ABLIM1: variants seen among roughly 807,000 people sequenced by gnomAD.
The protein encoded by ABLIM1 is actin binding LIM protein 1, also known as actin-binding LIM protein 1.
In ABLIM1, 40 loss-of-function variants were observed where a neutral mutation model predicts 107.0. That is an observed-to-expected ratio of 0.37 (90% CI 0.29 to 0.49). The LOEUF (loss-of-function observed/expected upper bound fraction) is 0.49. Ranked by LOEUF, ABLIM1 falls within the 20% of genes least tolerant of loss-of-function variation. The pLI is 0.97. For synonymous variants in ABLIM1, 357 were observed against 357.3 expected (o/e 1.00, Z 0.01); for missense variants, 857 against 1,008.5 (o/e 0.85, Z 2.04).
At chr10:114,583,468 C>CATACATATATAT (rs2073823937) in intron 2 of ABLIM1, among the ~76,000 whole-genome samples, 1 of 15,104 alleles carries the variant, frequency 6.6e-5, no homozygotes, top group Non-Finnish European at 1.2e-4. Flanking sequence ...CACACACACA[C>CATACATATATAT]ATATATATAT....
chr10:114,688,831 C>A (rs1164234436), upstream of ABLIM1, among the ~76,000 whole-genome samples: 1 of 152,056 alleles, frequency 6.6e-6, no homozygotes, highest in East Asian at 1.9e-4. Context: ...CATTTTCATG[C>A]CTGAAGTAAT....
chr10:114,520,332 G>A (rs763288485), intron 6 of ABLIM1, among the ~76,000 whole-genome samples: 2 of 152,134 alleles, frequency 1.3e-5, no homozygotes, highest in African/African-American at 2.4e-5. Context: ...GTCAAGGCAG[G>A]TGATGAACAG....
chr10:114,471,454 C>G (rs1311766424), intron 10 of ABLIM1, among the ~76,000 whole-genome samples: 3 of 152,124 alleles, frequency 2.0e-5, no homozygotes, highest in Non-Finnish European at 2.9e-5. Flanking sequence ...CTCTTATGCC[C>G]TACGAAACTC....
intron 1 of ABLIM1, among the ~76,000 whole-genome samples, chr10:114,756,056 T>C (rs923913374): frequency 2.8e-4 from 41 of 146,966 alleles, no homozygotes; most frequent in African/African-American, 1.0e-3. Flanking sequence ...AATTATTTAA[T>C]CCATAGGAAT....
rs2081448020 is a variant in ABLIM1 at position 114,707,532 on chromosome 10, C to T, written c.-213+60529G>A. 6.6e-6 allele frequency among the ~76,000 whole-genome samples: 1 copy of T among 152,158 alleles called. No individual in the cohort carries two copies. Among genetic ancestry groups the T allele is most frequent in the Non-Finnish European group, 1.5e-5 (1 of 68,022 alleles). The stretch of plus-strand genomic sequence containing the variant: ...CAGGCGTAAGCCACCACACCTGGCC[C>T]AGTTTTGTTTTAATGACAAATTTGC... On this transcript the variant is annotated intron_variant, in intron 1 of 15. Coordinates refer to the ABLIM1 transcript ENST00000651092. This position sits in a 1 kb window ranked among gnomAD's most constrained non-coding sequence, Gnocchi z 4.1.
the ABLIM1 span, among the ~76,000 whole-genome samples, chr10:114,774,649 G>C: frequency 6.6e-6 from 1 of 152,190 alleles, no homozygotes; most frequent in East Asian, 1.9e-4. Flanking sequence ...AAAAACAAGA[G>C]ACAGAGTTAA....
At position 114,547,762 on chromosome 10, in the gene ABLIM1, C is replaced by T. The variant is rs1218896529; in HGVS notation, c.688G>A (p.Gly230Arg). The change falls in exon 5 of 23, where the codon GGA becomes AGA. Residue 230 changes from glycine to arginine, a missense_variant. This residue lies in a region of ABLIM1 where 381 missense variants were observed against 506.9 expected (regional missense o/e 0.75). Transcript: ENST00000533213. ...GCCTGCCCATTCTTGATATCTCTTCCGCAGCCGGCACAATCTGAAAAAGAG... is the reference window on the plus strand; with the variant it reads ...GCCTGCCCATTCTTGATATCTCTTCTGCAGCCGGCACAATCTGAAAAAGAG... ...TTFSSNCAGC[G>R]RDIKNGQALL... 3 of 1,609,986 alleles carry T rather than the reference C, an allele frequency of 1.9e-6. No individual in the cohort carries two copies. Among genetic ancestry groups the T allele is most frequent in the Non-Finnish European group, 8.5e-7 (1 of 1,180,006 alleles).
intron 12 of ABLIM1, among the ~76,000 whole-genome samples, chr10:114,462,721 T>C (rs2064200141): frequency 6.6e-6 from 1 of 151,766 alleles, no homozygotes; most frequent in Non-Finnish European, 1.5e-5. Context: ...ATATATATTA[T>C]ATTTTGTTTC....
At chr10:114,562,997 C>T (rs1433143172) in intron 4 of ABLIM1, among the ~76,000 whole-genome samples, 1 of 152,182 alleles carries the variant, frequency 6.6e-6, no homozygotes. Flanking sequence ...CCAGGACACA[C>T]GTGAGCTCAC....
intron 6 of ABLIM1, among the ~76,000 whole-genome samples, 191 bp from the exon 7 acceptor site, chr10:114,492,069 A>G (rs1391438770): frequency 1.3e-5 from 2 of 151,698 alleles, no homozygotes; most frequent in Non-Finnish European, 2.9e-5. Flanking sequence ...GAGGGGCTCC[A>G]AGGCCAGCTA....
intron 1 of ABLIM1, chr10:114,767,916 G>A (rs1049265874): frequency 6.4e-6 from 2 of 310,320 alleles, no homozygotes; most frequent in African/African-American, 2.3e-5. Flanking sequence ...CCTGCCCCCG[G>A]CCCCCGGCAG....
intron 2 of ABLIM1, among the ~76,000 whole-genome samples, chr10:114,581,212 G>T (rs2073332464): frequency 6.6e-6 from 1 of 152,204 alleles, no homozygotes; most frequent in African/African-American, 2.4e-5. Flanking sequence ...AGTAACAGGA[G>T]CTGCCCATGT....
chr10:114,565,804 T>G (rs2070627044), intron 4 of ABLIM1, among the ~76,000 whole-genome samples: 1 of 111,548 alleles, frequency 9.0e-6, no homozygotes, highest in Admixed American at 9.4e-5. Context: ...TTTTTTTTTT[T>G]TTTTTTTTGA....
At position 114,439,176 on chromosome 10, in the gene ABLIM1, C is replaced by A; in HGVS notation, c.2142G>T (p.Lys714Asn). ...GVSMPNMLEP[K>N]IFPYEMLMVT... ...GAGGAAAAAGAACAGCTGCACTTGC[C>A]TTTGGTTCCAACATGTTGGGCATAG... Residue 714 changes from lysine (K) to asparagine (N), a missense_variant and splice_region_variant, in exon 21 of 23, where the codon AAG becomes AAT. Transcript: ENST00000533213. 1 of 1,614,244 alleles carries A rather than the reference C, an allele frequency of 6.2e-7. No individual in the cohort carries two copies. Among genetic ancestry groups the A allele is most frequent in the Non-Finnish European group, 8.5e-7 (1 of 1,180,046 alleles).
intron 1 of ABLIM1, among the ~76,000 whole-genome samples, chr10:114,675,162 TC>T (rs2080426616): frequency 6.6e-6 from 1 of 152,120 alleles, no homozygotes; most frequent in African/African-American, 2.4e-5. Context: ...TGAAGAGCTG[TC>T]ATCATTGGGT....
intron 2 of ABLIM1, among the ~76,000 whole-genome samples, chr10:114,584,457 G>A (rs1157883623): frequency 6.6e-6 from 1 of 152,042 alleles, no homozygotes; most frequent in African/African-American, 2.4e-5. Context: ...TTACAGTATG[G>A]GATCTGAGTT....
the ABLIM1 span, among the ~76,000 whole-genome samples, chr10:114,792,187 G>C: frequency 6.6e-6 from 1 of 152,206 alleles, no homozygotes; most frequent in Non-Finnish European, 1.5e-5. Flanking sequence ...TGGGTGTGGT[G>C]GCACATGCCT....
intron 1 of ABLIM1, among the ~76,000 whole-genome samples, chr10:114,621,017 C>T (rs1271357251): frequency 6.6e-6 from 1 of 152,166 alleles, no homozygotes; most frequent in Non-Finnish European, 1.5e-5. Context: ...CCCTACTTAC[C>T]TCTCCTTATG....
At chr10:114,661,043 T>G (rs1462156918), upstream of ABLIM1, among the ~76,000 whole-genome samples, 1 of 152,192 alleles carries the variant, frequency 6.6e-6, no homozygotes, top group African/African-American at 2.4e-5. Flanking sequence ...CTAAATTTTT[T>G]TTTTTACAAG....
Sources: gnomAD v4.1 joint callset for allele counts (sites outside exome capture counted in the v4.1 genomes callset) on GRCh38, gnomAD v4.1.1 for gene constraint, gnomAD v4.1.1 regional missense constraint, Gnocchi (gnomAD v3.1) non-coding constraint, MANE v1.5 for transcripts, NCBI Gene and HGNC (gene_info 2026-07-23, HGNC 2026-07-21) for gene names.